Variants in PHACTR3 observed in about 807,000 individuals in gnomAD.
PHACTR3 encodes the protein protein phosphatase 1, regulatory subunit 123.
PHACTR3 carries 16 observed loss-of-function variants against 66.8 expected under a neutral mutation model. The ratio of observed to expected loss-of-function variants is 0.24; its 90% confidence interval spans 0.16 to 0.36. The LOEUF (loss-of-function observed/expected upper bound fraction) is 0.36. Among genes scored for constraint, PHACTR3 ranks in the 10% least tolerant of loss-of-function variants. The pLI, the probability that PHACTR3 is intolerant of heterozygous loss-of-function variation, is 1.00. For missense variants in PHACTR3, 647 were observed against 719.9 expected, an observed-to-expected ratio of 0.90 and a Z score of 1.16; for synonymous variants, 323 against 292.1, an observed-to-expected ratio of 1.11 and a Z score of -1.08.
intron 7 of PHACTR3, among the ~76,000 whole-genome samples, chr20:59,775,691 A>G (rs2040514433): frequency 6.6e-6 from 1 of 152,048 alleles, no homozygotes. Context: ...GAGGGCACCA[A>G]CCTCTCTGAA....
Position 59,829,645 on chromosome 20 carries a change from C to T in PHACTR3, c.1329-6860C>T, listed in dbSNP as rs6128707. Among the ~76,000 whole-genome samples the T allele has an allele frequency of 0.017, 2,624 of 152,314 alleles. 52 individuals carry two copies. The highest frequency in any genetic ancestry group is 0.051 in the African/African-American group (2,103 of 41,550). Reference sequence around the variant, plus strand: ...CCCATCTCCAGGCGGGGGCCGCCAGCTTTTCTCAGTGACTCAAGGCGGCTG... The same window carrying T: ...CCCATCTCCAGGCGGGGGCCGCCAGTTTTTCTCAGTGACTCAAGGCGGCTG... On this transcript the variant is annotated intron_variant, in intron 8 of 12. Coordinates refer to ENST00000371015, the MANE Select transcript of PHACTR3 (RefSeq NM_080672.5). This position sits in a 1 kb window ranked among gnomAD's most constrained non-coding sequence, Gnocchi z 4.2.
At chr20:59,703,307 A>C (rs1316745719) in intron 1 of PHACTR3, among the ~76,000 whole-genome samples, 6 of 152,182 alleles carry the variant, frequency 3.9e-5, no homozygotes, top group Non-Finnish European at 7.3e-5. Flanking sequence ...CATTTATTTT[A>C]AGTCTAAGTC....
intron 1 of PHACTR3, among the ~76,000 whole-genome samples, chr20:59,592,522 C>A (rs1054238485): frequency 3.3e-5 from 5 of 152,194 alleles, no homozygotes; most frequent in African/African-American, 1.2e-4. Flanking sequence ...ATTCTTTAGA[C>A]CAATTCATTC....
chr20:59,766,972 C>T lies in PHACTR3; in HGVS notation c.542-214C>T, dbSNP rs553882758. Among the ~76,000 whole-genome samples the T allele has an allele frequency of 3.9e-5, 6 of 152,320 alleles. No homozygotes were observed. In the South Asian group the frequency reaches 1.2e-3, roughly 32 times the overall value. ...GGAAAAAAGAATGGAATCCCTCATA[C>T]TATTGAAATGACTTCCCTCTCTCCA... On this transcript the variant is annotated intron_variant, in intron 4 of 12. Coordinates refer to ENST00000371015, the MANE Select transcript of PHACTR3 (RefSeq NM_080672.5).
At chr20:59,616,735 A>G (rs907756239) in intron 1 of PHACTR3, among the ~76,000 whole-genome samples, 11 of 152,252 alleles carry the variant, frequency 7.2e-5, no homozygotes, top group African/African-American at 2.7e-4. Flanking sequence ...CACTGAGCTA[A>G]GGGAGCACTA....
At chr20:59,633,272 T>C (rs1242433606) in intron 1 of PHACTR3, among the ~76,000 whole-genome samples, 1 of 152,004 alleles carries the variant, frequency 6.6e-6, no homozygotes, top group African/African-American at 2.4e-5. Context: ...CAATGATAGA[T>C]TGGATAAAGA....
At chr20:59,655,401 T>C (rs2035585270) in intron 1 of PHACTR3, among the ~76,000 whole-genome samples, 1 of 152,046 alleles carries the variant, frequency 6.6e-6, no homozygotes, top group Non-Finnish European at 1.5e-5. Flanking sequence ...TTTGGCTTTC[T>C]AGGAGTTTGT....
Position 59,650,226 on chromosome 20 carries a change from C to A in PHACTR3, c.118+45094C>A, listed in dbSNP as rs1267184124. 2.6e-5 allele frequency among the ~76,000 whole-genome samples: 4 copies of A among 152,218 alleles called. No individual in the cohort carries two copies. In the South Asian group the frequency reaches 8.3e-4, roughly 32 times the overall value. On this transcript the variant is annotated intron_variant, in intron 1 of 12. Coordinates refer to ENST00000371015, the MANE Select transcript of PHACTR3 (RefSeq NM_080672.5). ...CAAATGGGTGTGATGTTGATACTTG[C>A]ATTTTTCTCTAAAATTAATAAGGTA...
chr20:59,728,693 A>G (rs1305027601), intron 1 of PHACTR3, among the ~76,000 whole-genome samples: 2 of 152,058 alleles, frequency 1.3e-5, no homozygotes, highest in Non-Finnish European at 2.9e-5. Context: ...TTCTGACCAC[A>G]GAACCCCGTC....
chr20:59,740,190 T>A (rs953275618), intron 1 of PHACTR3, among the ~76,000 whole-genome samples: 2 of 152,214 alleles, frequency 1.3e-5, no homozygotes, highest in African/African-American at 4.8e-5. Context: ...CATGGTATGT[T>A]AATCAGAGTG....
intron 1 of PHACTR3, among the ~76,000 whole-genome samples, chr20:59,652,146 C>A (rs897091605): frequency 6.6e-6 from 1 of 152,134 alleles, no homozygotes; most frequent in Non-Finnish European, 1.5e-5. Context: ...CTGACTTCCT[C>A]CTTTATCTAC....
chr20:59,739,424 A>G (rs1568765368), intron 1 of PHACTR3, among the ~76,000 whole-genome samples: 1 of 152,200 alleles, frequency 6.6e-6, no homozygotes, highest in Non-Finnish European at 1.5e-5. Flanking sequence ...TATAAAAGAA[A>G]GAAGTTTAAT....
chr20:59,655,970 A>T (rs2035608631), intron 1 of PHACTR3, among the ~76,000 whole-genome samples: 1 of 151,496 alleles, frequency 6.6e-6, no homozygotes, highest in African/African-American at 2.4e-5. Context: ...TCTTTCTGTT[A>T]TTGCTTTCTA....
At chr20:59,714,173 A>G (rs1474747420) in intron 1 of PHACTR3, among the ~76,000 whole-genome samples, 1 of 152,152 alleles carries the variant, frequency 6.6e-6, no homozygotes, top group African/African-American at 2.4e-5. Context: ...TTGCCTTTAC[A>G]TTCACTTAAT....
Position 59,743,102 on chromosome 20 carries a change from TC to T in PHACTR3, c.119-3del, listed in dbSNP as rs766848235. 1 of 1,610,880 alleles carries T rather than the reference TC, an allele frequency of 6.2e-7. No individual in the cohort carries two copies. The highest frequency in any genetic ancestry group is 1.1e-5 in the South Asian group (1 of 90,696). ...TTGAGGACCCCCTTGGTTTTCGTCT[TC>T]CAGATGAGATGGACCAAACGCCCCC... is the stretch of plus-strand genomic sequence containing the variant. On this transcript the variant is annotated splice_polypyrimidine_tract_variant and splice_region_variant and intron_variant, in intron 1 of 12. Transcript: ENST00000371015.
chr20:59,699,955 C>T (rs887825699), intron 1 of PHACTR3, among the ~76,000 whole-genome samples: 1 of 152,144 alleles, frequency 6.6e-6, no homozygotes, highest in South Asian at 2.1e-4. Flanking sequence ...AGCAAAACTC[C>T]GTCAAGGAAA....
intron 8 of PHACTR3, among the ~76,000 whole-genome samples, chr20:59,825,018 C>A (rs954143075): frequency 6.6e-6 from 1 of 152,356 alleles, no homozygotes; most frequent in Admixed American, 6.5e-5. Flanking sequence ...CAGAACCATG[C>A]CCCCTGCAGC....
In PHACTR3 at chr20:59,632,804, A is replaced by G. The variant is rs573030879; in HGVS notation, c.118+27672A>G. Among the ~76,000 whole-genome samples, 11 of 152,254 alleles carry G rather than the reference A, an allele frequency of 7.2e-5. No homozygotes were observed. The South Asian group carries it at 8.3e-4, about 11-fold the overall frequency. On this transcript the variant is annotated intron_variant, in intron 1 of 12. Transcript: ENST00000371015. Reference sequence around the variant, plus strand: ...CAAATGCCCACCTACTTCCCCTCACATCACTCTCCCTCACCTGCTTTAAGT... The same window carrying G: ...CAAATGCCCACCTACTTCCCCTCACGTCACTCTCCCTCACCTGCTTTAAGT...
chr20:59,777,076 G>C (rs1216862351), intron 7 of PHACTR3, among the ~76,000 whole-genome samples: 1 of 152,160 alleles, frequency 6.6e-6, no homozygotes, highest in Non-Finnish European at 1.5e-5. Flanking sequence ...GTGCTCCAAG[G>C]AGGAGCCATT....
Sources: gnomAD v4.1 joint callset for allele counts (sites outside exome capture counted in the v4.1 genomes callset) on GRCh38, gnomAD v4.1.1 for gene constraint, Gnocchi (gnomAD v3.1) non-coding constraint, MANE v1.5 for transcripts, NCBI Gene and HGNC (gene_info 2026-07-23, HGNC 2026-07-21) for gene names.